Variants in ABCA13 observed in about 807,000 individuals in gnomAD.
The protein encoded by ABCA13 is ATP binding cassette subfamily A member 13, also known as ATP-binding cassette sub-family A member 13.
A neutral mutation model predicts 478.7 loss-of-function variants in ABCA13; 476 were observed. The ratio of observed to expected loss-of-function variants is 0.99; its 90% CI spans 0.92 to 1.07. The LOEUF (loss-of-function observed/expected upper bound fraction) is 1.07, where lower values mean the gene tolerates loss of function less well. Ranked by LOEUF, ABCA13 falls within the 50% of genes least tolerant of loss-of-function variation. ABCA13 has a pLI of 0.00. For synonymous variants in ABCA13, 2,252 were observed against 2,158.9 expected, an observed-to-expected ratio of 1.04 and a Z score of -1.20; for missense variants, 6,060 against 5,910.6, an observed-to-expected ratio of 1.03 and a Z score of -0.83.
At position 48,387,938 on chromosome 7, in the gene ABCA13, A is replaced by T; in HGVS notation, c.11452A>T (p.Asn3818Tyr). Residue 3818 changes from asparagine to tyrosine, a missense_variant, in exon 36 of 62, where the codon AAT (asparagine) becomes TAT (tyrosine). Physicochemically the swap from Asn to Tyr is moderately radical, Grantham distance 143. This residue lies in a region of ABCA13 where 1,627 missense variants were observed against 1,571.0 expected (regional missense o/e 1.04). Coordinates refer to ENST00000435803, the MANE Select transcript of ABCA13 (RefSeq NM_152701.5). ...TCTAAGTTCTAGTCTGTTCTTCTTC[A>T]ATGAGAACTTTGACAATAAAGGTTT... ...YFLSSSLFFF[N>Y]ENFDNKGSSL... 6.2e-7 allele frequency: 1 copy of T among 1,611,552 alleles called. No individual in the cohort carries two copies. The highest frequency in any genetic ancestry group is 8.5e-7 in the Non-Finnish European group (1 of 1,179,080).
intron 45 of ABCA13, among the ~76,000 whole-genome samples, chr7:48,474,804 T>C (rs895758400): frequency 6.6e-6 from 1 of 152,222 alleles, no homozygotes; most frequent in Non-Finnish European, 1.5e-5. Flanking sequence ...GATCATTCTA[T>C]TATAGTAGTG....
At chr7:48,317,508 G>T (rs1344688246) in intron 27 of ABCA13, among the ~76,000 whole-genome samples, 1 of 152,152 alleles carries the variant, frequency 6.6e-6, no homozygotes, top group African/African-American at 2.4e-5. Context: ...CACTTTGGGG[G>T]TTGGGGTTGT....
At chr7:48,532,517 A>G (rs769488441) in intron 55 of ABCA13, among the ~76,000 whole-genome samples, 11 of 152,214 alleles carry the variant, frequency 7.2e-5, no homozygotes, top group Non-Finnish European at 1.0e-4. Context: ...CTGGCTTCAT[A>G]GAGTGATTTA....
intron 1 of ABCA13, among the ~76,000 whole-genome samples, chr7:48,183,129 C>T (rs1044222437): frequency 4.6e-5 from 7 of 152,166 alleles, no homozygotes; most frequent in African/African-American, 1.2e-4. Flanking sequence ...GTGTTTTCCT[C>T]TTCTCTCAGC....
chr7:48,429,774 T>A (rs1821890735), intron 42 of ABCA13, among the ~76,000 whole-genome samples: 1 of 152,156 alleles, frequency 6.6e-6, no homozygotes, highest in Non-Finnish European at 1.5e-5. Context: ...TCATGAAAGG[T>A]GTTGGATGTT....
rs1344438788 is a variant in ABCA13 at position 48,645,631 on chromosome 7, T to C, written c.*119T>C. On this transcript the variant is annotated 3_prime_UTR_variant, in exon 62 of 62. Transcript: ENST00000435803. ...GAACACACTCTCCAGGCCGTCAAAT[T>C]ATTCTCTTGTTCATTTTCTATTTTG... 1 of 769,366 alleles carries C rather than the reference T, an allele frequency of 1.3e-6. No homozygotes were observed. Among genetic ancestry groups the C allele is most frequent in the African/African-American group, 1.8e-5 (1 of 54,988 alleles). 47.7% of individuals were successfully genotyped at this position (769,366 alleles called of 1,614,324 possible). A position where few individuals can be genotyped will look rare whatever the true frequency, so the allele number is the denominator to read the frequency against.
intron 1 of ABCA13, among the ~76,000 whole-genome samples, chr7:48,192,164 T>G (rs1322997088): frequency 6.6e-6 from 1 of 151,898 alleles, no homozygotes; most frequent in Non-Finnish European, 1.5e-5. Flanking sequence ...TATTAATTTT[T>G]TGGGCTATAC....
chr7:48,428,228 T>C (rs1367577418), intron 42 of ABCA13, among the ~76,000 whole-genome samples: 1 of 152,210 alleles, frequency 6.6e-6, no homozygotes, highest in Non-Finnish European at 1.5e-5. Flanking sequence ...GCCTCTTATG[T>C]GCAGGCACCC....
intron 31 of ABCA13, among the ~76,000 whole-genome samples, chr7:48,359,478 C>T (rs1180363232): frequency 6.6e-6 from 1 of 151,598 alleles, no homozygotes; most frequent in Non-Finnish European, 1.5e-5. Flanking sequence ...GCCTCTGGTT[C>T]CATGAAAAGG....
chr7:48,272,821 G>T lies in ABCA13; in HGVS notation c.3155G>T (p.Gly1052Val). ...GCCCAATCCTTCATGTCTACAGAGG[G>T]CCAAGAACTGGAAGTGATCCACACT... ...LQAQSFMSTE[G>V]QELEVIHTTL... Residue 1052 changes from glycine to valine, a missense_variant, in exon 17 of 62, where the codon GGC becomes GTC. Physicochemically the swap from Gly to Val is moderately radical, Grantham distance 109. Around this residue, in one of 3 missense-constraint regions of ABCA13, gnomAD observed 4,423 missense variants for 4,309.1 expected, o/e 1.03. Coordinates refer to ENST00000435803, the MANE Select transcript of ABCA13 (RefSeq NM_152701.5). 1 of 1,606,238 alleles carries T rather than the reference G, an allele frequency of 6.2e-7. No homozygotes were observed.
chr7:48,505,943 A>G (rs1245390235), intron 48 of ABCA13, among the ~76,000 whole-genome samples: 1 of 152,200 alleles, frequency 6.6e-6, no homozygotes, highest in East Asian at 1.9e-4. Context: ...CTTGATCTAG[A>G]GGTGAATATT....
At position 48,455,138 on chromosome 7, in the gene ABCA13, G is replaced by C; in HGVS notation, c.12667G>C (p.Gly4223Arg). 3 of 1,572,858 alleles carry C rather than the reference G, an allele frequency of 1.9e-6. No individual in the cohort carries two copies. The East Asian group carries it at 7.1e-5, about 37-fold the overall frequency. ...ARRLRRTLRA[G>R]KSTLADLLLP... Reference sequence around the variant, plus strand: ...GAGGCTCCGCCGCACGCTGCGCGCCGGGAAGAGCACCCTCGCCGACCTGCT... The same window carrying C: ...GAGGCTCCGCCGCACGCTGCGCGCCCGGAAGAGCACCCTCGCCGACCTGCT... The change falls in exon 43 of 62, where the codon GGG becomes CGG. Residue 4223 changes from glycine (G) to arginine (R), a missense_variant. By Grantham distance (125) the Gly-to-Arg change is moderately radical. Coordinates refer to ENST00000435803, the MANE Select transcript of ABCA13 (RefSeq NM_152701.5).
intron 13 of ABCA13, 108 bp from the exon 14 acceptor site, chr7:48,248,131 A>G: frequency 1.2e-6 from 1 of 853,522 alleles, no homozygotes; most frequent in East Asian, 2.7e-5. Context: ...TTTGATGTAC[A>G]GTTTGAGTGG....
intron 6 of ABCA13, among the ~76,000 whole-genome samples, chr7:48,227,931 G>C (rs1028212825): frequency 1.3e-5 from 2 of 152,182 alleles, no homozygotes; most frequent in Non-Finnish European, 2.9e-5. Context: ...AATTCAGTTA[G>C]CTGGACGTTG....
rs17548783 is a variant in ABCA13, at chr7:48,410,560, T to C, written c.12111T>C (p.Ala4037=). Residue 4037 remains alanine (A), a synonymous_variant, in exon 40 of 62, where the codon GCT becomes GCC. Coordinates refer to ENST00000435803, the MANE Select transcript of ABCA13 (RefSeq NM_152701.5). ...IIFTTHHLDE[A]EALSDRVAVL... is the part of the protein sequence containing the mutation. ...TCACAACCCACCACCTGGATGAAGC[T>C]GAAGCGCTGAGTGACCGCGTGGCCG... 774,029 of 1,613,732 alleles carry C rather than the reference T, an allele frequency of 0.48. 189,410 individuals are homozygous for C. The highest frequency in any genetic ancestry group is 0.63 in the East Asian group (28,156 of 44,852).
Position 48,273,765 on chromosome 7 carries a change from A to T in ABCA13, c.4099A>T (p.Thr1367Ser). 1 of 1,610,836 alleles carries T rather than the reference A, an allele frequency of 6.2e-7. No individual in the cohort carries two copies. The highest frequency in any genetic ancestry group is 8.5e-7 in the Non-Finnish European group (1 of 1,178,304). ...ILEDGFLYVN[T>S]SQRMLRILDT... Reference sequence around the variant, plus strand: ...AGAAGATGGCTTTTTATATGTAAATACCTCACAGAGGATGTTACGTATTCT... The same window carrying T: ...AGAAGATGGCTTTTTATATGTAAATTCCTCACAGAGGATGTTACGTATTCT... Residue 1367 changes from threonine (T) to serine (S), a missense_variant, in exon 17 of 62, where the codon ACC (threonine) becomes TCC (serine). Physicochemically the swap from Thr to Ser is moderately conservative, Grantham distance 58. This residue lies in a region of ABCA13 where 4,423 missense variants were observed against 4,309.1 expected (regional missense o/e 1.03). Transcript: ENST00000435803.
At chr7:48,350,065 T>C (rs1808722126) in intron 29 of ABCA13, among the ~76,000 whole-genome samples, 1 of 152,242 alleles carries the variant, frequency 6.6e-6, no homozygotes, top group Admixed American at 6.5e-5. Flanking sequence ...TCAGCATTCA[T>C]AGCCAAGGTG....
chr7:48,434,577 T>A (rs1822574522), intron 42 of ABCA13, among the ~76,000 whole-genome samples: 1 of 151,970 alleles, frequency 6.6e-6, no homozygotes, highest in Non-Finnish European at 1.5e-5. Context: ...ACCCAAAAAA[T>A]CACTGGCAAC....
chr7:48,325,057 C>T (rs1804115930), intron 27 of ABCA13, among the ~76,000 whole-genome samples: 3 of 152,286 alleles, frequency 2.0e-5, no homozygotes, highest in Middle Eastern at 3.4e-3. Context: ...CCAACAATGT[C>T]TTTTTTACTC....
Sources: allele counts gnomAD v4.1 joint callset (sites outside exome capture counted in the v4.1 genomes callset), GRCh38; gene constraint gnomAD v4.1.1; regional missense constraint gnomAD v4.1.1; transcripts MANE v1.5; gene names NCBI Gene and HGNC (gene_info 2026-07-23, HGNC 2026-07-21).